Variants in NSF observed in about 807,000 individuals in gnomAD.
The protein encoded by NSF is N-ethylmaleimide sensitive factor, vesicle fusing ATPase.
In NSF, 14 loss-of-function variants were observed where a neutral mutation model predicts 50.3. The observed-to-expected ratio is 0.28, with a 90% confidence interval of 0.18 to 0.44. The LOEUF is 0.44. Among genes scored for constraint, NSF ranks in the 20% least tolerant of loss-of-function variants. The pLI is 1.00. For missense variants in NSF, 218 were observed against 504.3 expected (o/e 0.43, Z 5.44); for synonymous variants, 109 against 175.7 (o/e 0.62, Z 3.00).
rs1231360308 is a variant in NSF at position 46,612,193 on chromosome 17, C to A, written c.13-12051C>A. ...CCACAATGAGAGATAACACTTTACA[C>A]CCTCTAGGATGGTCATACTTTTTTT... On this transcript the variant is annotated intron_variant, in intron 1 of 20. Transcript: ENST00000398238. Among the ~76,000 whole-genome samples the A allele has an allele frequency of 6.8e-5, 7 of 102,556 alleles. 1 individual carries two copies. In the East Asian group the frequency reaches 2.7e-3, roughly 39 times the overall value. 67.3% of individuals were successfully genotyped at this position (102,556 alleles called of 152,430 possible).
chr17:46,719,847 C>T lies in NSF; in HGVS notation c.1761+5861C>T, dbSNP rs1262363741. Among the ~76,000 whole-genome samples the T allele has an allele frequency of 6.6e-6, 1 of 152,114 alleles. No homozygotes were observed. Among genetic ancestry groups the T allele is most frequent in the African/African-American group, 2.4e-5 (1 of 41,414 alleles). On this transcript the variant is annotated intron_variant, in intron 15 of 20. Coordinates refer to ENST00000398238, the MANE Select transcript of NSF (RefSeq NM_006178.4). This position sits in a 1 kb window ranked among gnomAD's most constrained non-coding sequence, Gnocchi z 4.3. ...GATGAAGTAGAACAATCAGATAGAA[C>T]TAAATTGTTTGAACAAAATTAAGTA...
chr17:46,669,550 T>C (rs2146200239), intron 8 of NSF, among the ~76,000 whole-genome samples: 1 of 141,262 alleles, frequency 7.1e-6, no homozygotes, highest in East Asian at 1.9e-4. Context: ...CCTCCTCTGT[T>C]GCCAAAGTTT....
intron 14 of NSF, among the ~76,000 whole-genome samples, chr17:46,711,535 G>A (rs747281844): frequency 4.6e-5 from 7 of 152,332 alleles, no homozygotes; most frequent in Non-Finnish European, 1.0e-4. Flanking sequence ...TACGGTGTAT[G>A]TGTGTAAAGG....
intron 13 of NSF, among the ~76,000 whole-genome samples, chr17:46,708,825 T>G (rs867017020): frequency 4.6e-4 from 48 of 105,190 alleles, no homozygotes; most frequent in African/African-American, 1.8e-3. Context: ...TATATATATT[T>G]TTTTTTTTTT....
chr17:46,595,527 G>A lies in NSF; in HGVS notation c.12+4740G>A, dbSNP rs1431334873. ...TTTTTTTGAGACGGAGTCTTGCTCCGTCACCCAGGCTGGAGTGCAGTGGTG... is the reference window on the plus strand; with the variant it reads ...TTTTTTTGAGACGGAGTCTTGCTCCATCACCCAGGCTGGAGTGCAGTGGTG... On this transcript the variant is annotated intron_variant, in intron 1 of 20. Coordinates refer to ENST00000398238, the MANE Select transcript of NSF (RefSeq NM_006178.4). Among the ~76,000 whole-genome samples, 6 of 123,486 alleles carry A rather than the reference G, an allele frequency of 4.9e-5. 1 individual carries two copies. The highest frequency in any genetic ancestry group is 1.3e-4 in the African/African-American group (3 of 23,364). The allele number at this position is 123,486 out of a possible 152,430, so 81.0% of individuals were successfully genotyped here. A position where few individuals can be genotyped will look rare whatever the true frequency, so the allele number is the denominator to read the frequency against.
intron 13 of NSF, among the ~76,000 whole-genome samples, chr17:46,710,156 G>T (rs1377301929): frequency 1.3e-5 from 2 of 152,090 alleles, no homozygotes; most frequent in Non-Finnish European, 2.9e-5. Flanking sequence ...CAAGATACAT[G>T]ATCTTTACAT....
intron 9 of NSF, among the ~76,000 whole-genome samples, chr17:46,676,158 G>A (rs1017587389): frequency 1.4e-5 from 2 of 142,966 alleles, no homozygotes; most frequent in African/African-American, 5.5e-5. Context: ...GCCACCACAG[G>A]GAAATTAACA....
At chr17:46,609,827 CTTTT>C (rs147645851) in intron 1 of NSF, among the ~76,000 whole-genome samples, 2 of 123,324 alleles carry the variant, frequency 1.6e-5, no homozygotes, top group Non-Finnish European at 1.8e-5. Flanking sequence ...CTCACTGTTT[CTTTT>C]TTTTTTTTTT....
At chr17:46,750,042 A>G in intron 18 of NSF, 135 bp downstream of exon 18, 2 of 969,008 alleles carry the variant, frequency 2.1e-6, no homozygotes, top group South Asian at 2.0e-5. Flanking sequence ...TACAGGTTGT[A>G]TATACCTTAT....
At chr17:46,722,198 G>A in intron 15 of NSF, 1 of 1,584,004 alleles carries the variant, frequency 6.3e-7, no homozygotes, top group Non-Finnish European at 8.7e-7. Flanking sequence ...TGCAGCGCCT[G>A]CTTAGGAAGA....
intron 1 of NSF, among the ~76,000 whole-genome samples, chr17:46,610,099 T>TTCTCTCTC (rs369452486): frequency 1.7e-4 from 15 of 89,432 alleles, no homozygotes; most frequent in African/African-American, 5.7e-4. Context: ...TTTTCTCTCT[T>TTCTCTCTC]TCTCTCTCTC....
intron 17 of NSF, among the ~76,000 whole-genome samples, chr17:46,741,922 C>T (rs1031686868): frequency 2.0e-5 from 3 of 152,182 alleles, no homozygotes; most frequent in African/African-American, 7.2e-5. Flanking sequence ...TGTGCCACCA[C>T]GCCTGGCTAA....
At position 46,751,538 on chromosome 17, in the gene NSF, A is replaced by C; in HGVS notation, c.2079A>C (p.Thr693=). The change falls in exon 19 of 21, where the codon ACA becomes ACC. Residue 693 remains threonine, a synonymous_variant. Transcript: ENST00000398238. ...LGNFKDKERT[T]IAQQVKGKKV... ...ACTTCAAGGATAAGGAACGCACCAC[A>C]ATTGCACAGCAAGTCAAAGGGAAGA... 6.2e-7 allele frequency: 1 copy of C among 1,614,082 alleles called. No individual in the cohort carries two copies. The highest frequency in any genetic ancestry group is 1.3e-5 in the African/African-American group (1 of 75,042).
chr17:46,753,584 T>G (rs777821851), intron 19 of NSF, among the ~76,000 whole-genome samples: 1 of 152,142 alleles, frequency 6.6e-6, no homozygotes, highest in Non-Finnish European at 1.5e-5. Flanking sequence ...ATTGTCAGCT[T>G]CTTTTTTTTT....
Position 46,636,081 on chromosome 17 carries a change from C to A in NSF, c.239-1295C>A, listed in dbSNP as rs918090939. Among the ~76,000 whole-genome samples, 3 of 42,624 alleles carry A rather than the reference C, an allele frequency of 7.0e-5. No individual in the cohort carries two copies. The East Asian group carries it at 9.4e-4, about 13-fold the overall frequency. The allele number at this position is 42,624 out of a possible 152,430, so 28.0% of individuals were successfully genotyped here. A position where few individuals can be genotyped will look rare whatever the true frequency, so the allele number is the denominator to read the frequency against. On this transcript the variant is annotated intron_variant, in intron 4 of 20. Coordinates refer to ENST00000398238, the MANE Select transcript of NSF (RefSeq NM_006178.4). Reference sequence around the variant, plus strand: ...AGTTTTTTTTTCTAGGGAAATGCTTCTTTGTAATTATCTGTCACTAGCAAA... The same window carrying A: ...AGTTTTTTTTTCTAGGGAAATGCTTATTTGTAATTATCTGTCACTAGCAAA...
intron 4 of NSF, among the ~76,000 whole-genome samples, chr17:46,636,035 T>C (rs1312217539): frequency 1.8e-5 from 1 of 57,092 alleles, no homozygotes; most frequent in Admixed American, 1.7e-4. Context: ...AAGTATACTT[T>C]TTGAGCTGAT....
At chr17:46,721,825 T>A in intron 15 of NSF, 2 of 1,597,762 alleles carry the variant, frequency 1.3e-6, no homozygotes, top group Non-Finnish European at 1.7e-6. Context: ...TGGGACACTT[T>A]TGCTTATTTT....
chr17:46,736,108 A>G (rs2059001782), intron 17 of NSF, among the ~76,000 whole-genome samples: 1 of 152,206 alleles, frequency 6.6e-6, no homozygotes, highest in African/African-American at 2.4e-5. Context: ...CATTTGCAGT[A>G]CTGGGAAAAG....
At chr17:46,752,261 T>G (rs1441228650) in intron 19 of NSF, among the ~76,000 whole-genome samples, 1 of 152,132 alleles carries the variant, frequency 6.6e-6, no homozygotes, top group Admixed American at 6.5e-5. Flanking sequence ...TCCTGGCAAC[T>G]TACCTTTCTT....
Sources: gnomAD v4.1 joint callset for allele counts (sites outside exome capture counted in the v4.1 genomes callset) on GRCh38, gnomAD v4.1.1 for gene constraint, Gnocchi (gnomAD v3.1) non-coding constraint, MANE v1.5 for transcripts, NCBI Gene and HGNC (gene_info 2026-07-23, HGNC 2026-07-21) for gene names.